GBF1: variants seen among roughly 807,000 people sequenced by gnomAD.
The protein encoded by GBF1 is golgi brefeldin A resistant guanine nucleotide exchange factor 1, also known as Golgi-specific brefeldin A-resistance guanine nucleotide exchange factor 1.
Under a neutral mutation model 210.5 loss-of-function variants are expected in GBF1, and 114 were observed. That is an observed-to-expected ratio of 0.54 (90% confidence interval 0.47 to 0.63). The LOEUF is 0.63. GBF1 is among the 30% of genes least tolerant of loss of function. The pLI is 0.00. For synonymous variants in GBF1, 850 were observed against 889.2 expected (o/e 0.96, Z 0.78); for missense variants, 1,851 against 2,357.7 (o/e 0.79, Z 4.45).
chr10:102,242,798 G>A (rs954641911), upstream of GBF1, among the ~76,000 whole-genome samples: 6 of 151,980 alleles, frequency 3.9e-5, no homozygotes, highest in Admixed American at 6.6e-5. Flanking sequence ...GCTTGGTGGC[G>A]GGTGCCTGTA....
intron 3 of GBF1, among the ~76,000 whole-genome samples, chr10:102,270,230 C>T (rs944912279): frequency 7.3e-5 from 11 of 150,880 alleles, no homozygotes; most frequent in Non-Finnish European, 1.0e-4. Flanking sequence ...AGTGTAGTGG[C>T]GCAATCTTGG....
chr10:102,342,075 C>T (rs1427995878), intron 3 of GBF1, among the ~76,000 whole-genome samples: 1 of 142,550 alleles, frequency 7.0e-6, no homozygotes, highest in African/African-American at 2.7e-5. Flanking sequence ...CTTGTTCTGT[C>T]ACCCAGGCTG....
chr10:102,361,771 T>G lies in GBF1; in HGVS notation c.1545T>G (p.Pro515=), dbSNP rs1341979161. 2 of 1,613,340 alleles carry G rather than the reference T, an allele frequency of 1.2e-6. No individual in the cohort carries two copies. Among genetic ancestry groups the G allele is most frequent in the Non-Finnish European group, 1.7e-6 (2 of 1,179,648 alleles). The change falls in exon 14 of 40, where the codon CCT becomes CCG. Residue 515 remains proline, a synonymous_variant. Coordinates refer to ENST00000369983, the MANE Select transcript of GBF1 (RefSeq NM_001377137.1). ...EIITVENPKM[P]YEMKEMALEA... is the part of the protein sequence containing the mutation. ...TCACTGTGGAGAACCCCAAGATGCC[T>G]TATGAGATGAAGGAGATGGCACTGG... is the stretch of plus-strand genomic sequence containing the variant.
At chr10:102,236,275 A>G in the GBF1 span, among the ~76,000 whole-genome samples, 1 of 152,226 alleles carries the variant, frequency 6.6e-6, no homozygotes, top group Non-Finnish European at 1.5e-5. Context: ...TGGATAGGGA[A>G]GAACAAGCAG....
chr10:102,301,465 A>G (rs2077342848), intron 3 of GBF1, among the ~76,000 whole-genome samples: 1 of 152,222 alleles, frequency 6.6e-6, no homozygotes. Context: ...CGCCATCGTC[A>G]TCATGACCCG....
rs1269681290 is a variant in GBF1, at chr10:102,360,345, C to G, written c.1342C>G (p.Gln448Glu). ...TGAGTCAGCCCCTGTAGCCCAGTGCCAGACCCTCTTGGGCCTCATCAAGGA... is the reference window on the plus strand; with the variant it reads ...TGAGTCAGCCCCTGTAGCCCAGTGCGAGACCCTCTTGGGCCTCATCAAGGA... The part of the protein sequence containing the change: ...ALESAPVAQC[Q>E]TLLGLIKDEM... Residue 448 changes from glutamine to glutamate, a missense_variant, in exon 12 of 40, where the codon CAG becomes GAG. By Grantham distance (29) the Gln-to-Glu change is conservative (BLOSUM62 2). Transcript: ENST00000369983. 1.2e-6 allele frequency: 2 copies of G among 1,613,780 alleles called. No homozygotes were observed. The highest frequency in any genetic ancestry group is 2.2e-5 in the East Asian group (1 of 44,888).
chr10:102,258,322 T>A lies in GBF1; in HGVS notation c.-10-607T>A, dbSNP rs528123072. Among the ~76,000 whole-genome samples the A allele has an allele frequency of 3.3e-3, 498 of 151,286 alleles. 1 individual carries two copies. The highest frequency in any genetic ancestry group is 0.01 in the African/African-American group (416 of 41,356). The stretch of plus-strand genomic sequence containing the variant: ...GGCATGCGCCACCTCGCCTGGCTAA[T>A]TTTTTGTGTTTTTAGTGGAGAGAGG... On this transcript the variant is annotated intron_variant, in intron 1 of 39. Transcript: ENST00000369983.
intron 3 of GBF1, among the ~76,000 whole-genome samples, chr10:102,342,660 T>C (rs2058281393): frequency 1.3e-5 from 2 of 151,950 alleles, no homozygotes; most frequent in Admixed American, 1.3e-4. Flanking sequence ...CTCCCTATAT[T>C]TGCATGAAAA....
intron 3 of GBF1, among the ~76,000 whole-genome samples, chr10:102,261,614 T>C (rs921082038): frequency 3.2e-5 from 4 of 126,216 alleles, no homozygotes; most frequent in Non-Finnish European, 3.2e-5. Flanking sequence ...TTTCTTTCTT[T>C]CTTTTTTTTT....
upstream of GBF1, among the ~76,000 whole-genome samples, chr10:102,240,389 C>T (rs2070502586): frequency 1.3e-5 from 2 of 152,354 alleles, no homozygotes; most frequent in Non-Finnish European, 1.5e-5. Context: ...GCCCACCTCA[C>T]CCCAAGGCCA....
chr10:102,356,576 T>C (rs553940315), intron 8 of GBF1, among the ~76,000 whole-genome samples: 69 of 151,966 alleles, frequency 4.5e-4, no homozygotes, highest in Non-Finnish European at 9.1e-4. Context: ...CCATCCTGGC[T>C]AGCACGGTGA....
At chr10:102,264,485 G>A (rs895617977) in intron 3 of GBF1, among the ~76,000 whole-genome samples, 19 of 152,134 alleles carry the variant, frequency 1.2e-4, no homozygotes, top group Admixed American at 5.9e-4. Flanking sequence ...CAAAGAATCC[G>A]TTTTAATCTT....
chr10:102,310,128 G>A (rs879900341), intron 3 of GBF1, among the ~76,000 whole-genome samples: 10 of 152,210 alleles, frequency 6.6e-5, no homozygotes, highest in Non-Finnish European at 1.0e-4. Flanking sequence ...AATTGGAAAA[G>A]TGATAGGGTA....
Position 102,359,368 on chromosome 10 carries a change from C to T in GBF1, c.1113C>T (p.Ala371=). The T allele has an allele frequency of 6.2e-7, 1 of 1,613,418 alleles. No individual in the cohort carries two copies. Among genetic ancestry groups the T allele is most frequent in the East Asian group, 2.2e-5 (1 of 44,886 alleles). ...CTSPADHSDS[A]SVHDMDYVNP... is the part of the protein sequence containing the mutation. ...CCCCTGCCGACCACTCTGACTCTGCCTCTGTCCATGACATGGATTACGTCA... is the reference window on the plus strand; with the variant it reads ...CCCCTGCCGACCACTCTGACTCTGCTTCTGTCCATGACATGGATTACGTCA... The change falls in exon 11 of 40, where the codon GCC becomes GCT. Residue 371 remains alanine, a synonymous_variant. Transcript: ENST00000369983.
chr10:102,367,658 C>T, intron 21 of GBF1, 98 bp downstream of exon 21: 5 of 784,760 alleles, frequency 6.4e-6, no homozygotes, highest in South Asian at 2.9e-5. Context: ...CAGTGACTCA[C>T]ATGCCCTGGA....
At position 102,317,330 on chromosome 10, in the gene GBF1, T is replaced by C. The variant is rs1020711473; in HGVS notation, c.164-26721T>C. On this transcript the variant is annotated intron_variant, in intron 3 of 39. Coordinates refer to ENST00000369983, the MANE Select transcript of GBF1 (RefSeq NM_001377137.1). Reference sequence around the variant, plus strand: ...TAAATTTAGGAAGATACAAAAAAGTTTAAAGATGCTGGGCATGGTGGCTCA... The same window carrying C: ...TAAATTTAGGAAGATACAAAAAAGTCTAAAGATGCTGGGCATGGTGGCTCA... 4.6e-5 allele frequency among the ~76,000 whole-genome samples: 7 copies of C among 152,224 alleles called. No individual in the cohort carries two copies. In the East Asian group the frequency reaches 1.2e-3, roughly 25 times the overall value.
chr10:102,275,101 G>A (rs1310524570), intron 3 of GBF1, among the ~76,000 whole-genome samples: 2 of 148,620 alleles, frequency 1.3e-5, no homozygotes, highest in African/African-American at 2.5e-5. Flanking sequence ...GTGATCCACC[G>A]GCCTCAGCCT....
chr10:102,379,946 C>T lies in GBF1; in HGVS notation c.4870C>T (p.Leu1624Phe), dbSNP rs1279849979. 5 of 1,601,748 alleles carry T rather than the reference C, an allele frequency of 3.1e-6. No homozygotes were observed. The highest frequency in any genetic ancestry group is 2.2e-5 in the East Asian group (1 of 44,822). The change falls in exon 36 of 40, where the codon CTC becomes TTC. Residue 1624 changes from leucine (L) to phenylalanine (F), a missense_variant. Transcript: ENST00000369983. ...GACCCGGATGAGGGCTTCCACATTGCTCTCTAAGGTACTGCTCACCACCCT... is the reference window on the plus strand; with the variant it reads ...GACCCGGATGAGGGCTTCCACATTGTTCTCTAAGGTACTGCTCACCACCCT... ...EETRMRASTLLSKVFLQHLSP... is the reference protein window; with the variant it reads ...EETRMRASTLFSKVFLQHLSP...
the GBF1 span, chr10:102,231,233 G>C: frequency 3.8e-3 from 3,537 of 921,294 alleles, 93 homozygotes; most frequent in African/African-American, 0.054. Flanking sequence ...GAGACGGGGT[G>C]GGAGGGAAGG....
Sources: allele counts gnomAD v4.1 joint callset (sites outside exome capture counted in the v4.1 genomes callset), GRCh38; gene constraint gnomAD v4.1.1; transcripts MANE v1.5; gene names NCBI Gene and HGNC (gene_info 2026-07-23, HGNC 2026-07-21).